RPTOR: variants seen among roughly 807,000 people sequenced by gnomAD.
RPTOR encodes regulatory-associated protein of mTOR.
RPTOR carries 21 observed loss-of-function variants against 169.9 expected under a neutral mutation model. The observed-to-expected ratio is 0.12, with a 90% CI of 0.09 to 0.18. RPTOR has a LOEUF of 0.18. Ranked by LOEUF, RPTOR falls within the 10% of genes least tolerant of loss-of-function variation. RPTOR has a pLI of 1.00. For missense variants in RPTOR, 1,133 were observed against 1,855.9 expected, an observed-to-expected ratio of 0.61 and a Z score of 7.16; for synonymous variants, 732 against 753.2, an observed-to-expected ratio of 0.97 and a Z score of 0.46.
intron 2 of RPTOR, among the ~76,000 whole-genome samples, chr17:80,641,891 G>T (rs137868438): frequency 6.6e-6 from 1 of 152,242 alleles, no homozygotes; most frequent in East Asian, 1.9e-4. Context: ...GCATTGATTG[G>T]CTCTTGCTTT....
At chr17:80,930,472 AG>A (rs2068882114) in intron 24 of RPTOR, among the ~76,000 whole-genome samples, 1 of 150,998 alleles carries the variant, frequency 6.6e-6, no homozygotes, top group Non-Finnish European at 1.5e-5. Flanking sequence ...GCTCATCCCC[AG>A]CTCATCCCCA....
At chr17:80,944,722 G>A (rs1221035596) in intron 25 of RPTOR, among the ~76,000 whole-genome samples, 2 of 152,336 alleles carry the variant, frequency 1.3e-5, no homozygotes, top group East Asian at 3.9e-4. Flanking sequence ...CGGGCATGGT[G>A]GCTCACTTCT....
At chr17:80,710,571 ATGTG>A (rs59732457) in intron 4 of RPTOR, among the ~76,000 whole-genome samples, 6,104 of 145,032 alleles carry the variant, frequency 0.042, 390 homozygotes, top group African/African-American at 0.14. Flanking sequence ...GGTTATTTGT[ATGTG>A]TGTGTGTGTG....
chr17:80,862,710 C>T (rs1416750079), intron 13 of RPTOR, among the ~76,000 whole-genome samples: 2 of 152,172 alleles, frequency 1.3e-5, no homozygotes, highest in Non-Finnish European at 2.9e-5. Context: ...GCTGGTGGTC[C>T]TCCGGGGCTC....
intron 21 of RPTOR, among the ~76,000 whole-genome samples, chr17:80,918,963 C>G (rs921732625): frequency 8.5e-5 from 13 of 152,172 alleles, no homozygotes; most frequent in African/African-American, 2.9e-4. Flanking sequence ...CACAGCAACT[C>G]CAGAACCTCC....
chr17:80,629,979 C>T (rs1015048645), intron 2 of RPTOR, among the ~76,000 whole-genome samples: 2 of 152,218 alleles, frequency 1.3e-5, no homozygotes, highest in Non-Finnish European at 2.9e-5. Flanking sequence ...TGCTGATAAA[C>T]CAGCCAAGGA....
intron 21 of RPTOR, among the ~76,000 whole-genome samples, chr17:80,915,010 C>A (rs1306121893): frequency 1.3e-5 from 2 of 152,248 alleles, no homozygotes; most frequent in Non-Finnish European, 2.9e-5. Context: ...CATAAAAACC[C>A]TGGACTCAGC....
At chr17:80,599,538 C>T (rs796744056) in intron 1 of RPTOR, among the ~76,000 whole-genome samples, 23 of 152,324 alleles carry the variant, frequency 1.5e-4, no homozygotes, top group African/African-American at 5.5e-4. Context: ...CAGAAGCCTC[C>T]GGGCCTCCAG....
chr17:80,854,707 ATGT>A (rs1567950830), intron 11 of RPTOR, among the ~76,000 whole-genome samples: 1 of 152,214 alleles, frequency 6.6e-6, no homozygotes, highest in Non-Finnish European at 1.5e-5. Flanking sequence ...TGCATGGGCA[ATGT>A]AGTGAGACCC....
In RPTOR at chr17:80,557,935, T is replaced by TAATA. The variant is rs1165297953; in HGVS notation, c.162+12153_162+12156dup. ...AGCGAGACTCCGTCTCAAAAAATAATAATAAATAAATACATAAATATATGG... is the reference window on the plus strand; with the variant it reads ...AGCGAGACTCCGTCTCAAAAAATAATAATAAATAAATAAATACATAAATATATGG... On this transcript the variant is annotated intron_variant, in intron 1 of 33. Coordinates refer to ENST00000306801, the MANE Select transcript of RPTOR (RefSeq NM_020761.3). Among the ~76,000 whole-genome samples the TAATA allele has an allele frequency of 2.3e-3, 352 of 151,978 alleles. 5 individuals carry two copies. Among genetic ancestry groups the TAATA allele is most frequent in the African/African-American group, 7.9e-3 (329 of 41,462 alleles).
chr17:80,561,921 T>C (rs1024210957), intron 1 of RPTOR, among the ~76,000 whole-genome samples: 4 of 152,188 alleles, frequency 2.6e-5, no homozygotes, highest in African/African-American at 9.7e-5. Context: ...ATTGTGTACA[T>C]GTGCTTATGT....
intron 24 of RPTOR, among the ~76,000 whole-genome samples, chr17:80,927,026 C>T (rs1182732809): frequency 6.6e-6 from 1 of 152,210 alleles, no homozygotes; most frequent in African/African-American, 2.4e-5. Flanking sequence ...GGTGGCGGCC[C>T]CTGCAGACAG....
chr17:80,598,440 A>T (rs754308195), intron 1 of RPTOR, among the ~76,000 whole-genome samples: 8 of 152,184 alleles, frequency 5.3e-5, no homozygotes, highest in Admixed American at 1.3e-4. Context: ...TCTGGGTTGT[A>T]CTGTTTTTGA....
At chr17:80,575,852 A>C (rs2064958672) in intron 1 of RPTOR, among the ~76,000 whole-genome samples, 1 of 152,172 alleles carries the variant, frequency 6.6e-6, no homozygotes, top group Non-Finnish European at 1.5e-5. Context: ...TCCTTATTAG[A>C]CATATTTAGA....
intron 21 of RPTOR, chr17:80,909,772 A>C (rs1006670353): frequency 1.3e-5 from 2 of 152,278 alleles, no homozygotes; most frequent in Admixed American, 1.3e-4. Context: ...CTTTTCAAAG[A>C]ATCAGTTTTT....
chr17:80,923,667 A>G lies in RPTOR; in HGVS notation c.2802A>G (p.Pro934=). 1 of 1,599,312 alleles carries G rather than the reference A, an allele frequency of 6.3e-7. No individual in the cohort carries two copies. The highest frequency in any genetic ancestry group is 8.5e-7 in the Non-Finnish European group (1 of 1,170,334). ...CACGGAAGATGTTCGACAAGGGCCC[A>G]GAGCAGGTACGGGAGCCCGGCTGCC... ...PRTRKMFDKG[P]EQTADDADDA... Residue 934 remains proline (P), a synonymous_variant, in exon 23 of 34, where the codon CCA becomes CCG. Coordinates refer to ENST00000306801, the MANE Select transcript of RPTOR (RefSeq NM_020761.3).
At chr17:80,602,618 A>G (rs981487615) in intron 1 of RPTOR, 13 of 646,570 alleles carry the variant, frequency 2.0e-5, no homozygotes, top group Admixed American at 3.7e-5. Flanking sequence ...TAACCAAAGT[A>G]TAGAACTTAT....
chr17:80,840,656 CACA>C (rs1304231490), intron 10 of RPTOR, among the ~76,000 whole-genome samples: 6 of 48,190 alleles, frequency 1.2e-4, no homozygotes, highest in Non-Finnish European at 4.0e-4. Context: ...TCACTCTCAC[CACA>C]CCACAGCTCA....
chr17:80,895,297 C>T (rs2068384625), intron 20 of RPTOR, among the ~76,000 whole-genome samples: 1 of 152,208 alleles, frequency 6.6e-6, no homozygotes, highest in South Asian at 2.1e-4. Flanking sequence ...CATCTGGCAG[C>T]ACCTTCCCAG....
Sources: allele counts gnomAD v4.1 joint callset (sites outside exome capture counted in the v4.1 genomes callset), GRCh38; gene constraint gnomAD v4.1.1; transcripts MANE v1.5; gene names NCBI Gene and HGNC (gene_info 2026-07-23, HGNC 2026-07-21).